APC2: variants seen among roughly 807,000 people sequenced by gnomAD.
APC2 encodes APC regulator of Wnt signaling pathway 2.
Under a neutral mutation model 72.5 loss-of-function variants are expected in APC2, and 41 were observed. That is an observed-to-expected ratio of 0.57 (90% CI 0.44 to 0.73). The LOEUF is 0.73. APC2 is among the 30% of genes least tolerant of loss of function. The pLI is 0.00. For missense variants in APC2, 3,729 were observed against 3,403.4 expected, an observed-to-expected ratio of 1.10 and a Z score of -2.38; for synonymous variants, 1,898 against 1,612.0, an observed-to-expected ratio of 1.18 and a Z score of -4.25.
Position 1,450,131 on chromosome 19 carries a change from C to G in APC2, c.-226C>G. 1.0e-6 allele frequency: 1 copy of G among 985,188 alleles called. No individual in the cohort carries two copies. Among genetic ancestry groups the G allele is most frequent in the Non-Finnish European group, 1.2e-6 (1 of 829,766 alleles). 61.0% of individuals were successfully genotyped at this position (985,188 alleles called of 1,614,324 possible). A position where few individuals can be genotyped will look rare whatever the true frequency, so the allele number is the denominator to read the frequency against. On this transcript the variant is annotated 5_prime_UTR_variant, in exon 1 of 15. Transcript: ENST00000590469. ...CATCCTCCCCCGCTCGCGGTGGTCT[C>G]GCCCAGCGCTAGGAGCGGCAGCGCC...
At chr19:1,448,854 A>G (rs2052575272), upstream of APC2, among the ~76,000 whole-genome samples, 1 of 149,224 alleles carries the variant, frequency 6.7e-6, no homozygotes, top group African/African-American at 2.6e-5. Context: ...AAAAAAAAAA[A>G]AAAGAAAAAA....
At chr19:1,458,248 C>T in intron 10 of APC2, 188 bp downstream of exon 10, 1 of 615,658 alleles carries the variant, frequency 1.6e-6, no homozygotes, top group South Asian at 1.9e-5. Context: ...GCCCTCTGTC[C>T]CCATGAGCTG....
rs1217224803 is a variant in APC2, at chr19:1,450,201, G to C, written c.-156G>C. Reference sequence around the variant, plus strand: ...GGGCTTTGTCCGCCCCGGAGCCCCTGCCCGCGCCGCGGAGACCCCGGAGCC... The same window carrying C: ...GGGCTTTGTCCGCCCCGGAGCCCCTCCCCGCGCCGCGGAGACCCCGGAGCC... On this transcript the variant is annotated 5_prime_UTR_variant, in exon 1 of 15. Transcript: ENST00000590469. 1.0e-6 allele frequency: 1 copy of C among 984,976 alleles called. No individual in the cohort carries two copies. Among genetic ancestry groups the C allele is most frequent in the East Asian group, 1.1e-4 (1 of 8,792 alleles). 61.0% of individuals were successfully genotyped at this position (984,976 alleles called of 1,614,324 possible).
chr19:1,468,897 G>T lies in APC2; in HGVS notation c.5596G>T (p.Ala1866Ser), dbSNP rs1271817876. 2.7e-6 allele frequency: 4 copies of T among 1,506,262 alleles called. No homozygotes were observed. Among genetic ancestry groups the T allele is most frequent in the Non-Finnish European group, 2.6e-6 (3 of 1,132,096 alleles). 93.3% of individuals were successfully genotyped at this position (1,506,262 alleles called of 1,614,324 possible). A position where few individuals can be genotyped will look rare whatever the true frequency, so the allele number is the denominator to read the frequency against. ...SQPPRSATPP[A>S]RLAKTPSSSS... The stretch of plus-strand genomic sequence containing the variant: ...GCCCCCCAGAAGCGCCACACCGCCC[G>T]CCCGCCTCGCCAAGACCCCCTCCTC... The change falls in exon 15 of 15, where the codon GCC becomes TCC. Residue 1866 changes from alanine (A) to serine (S), a missense_variant. Ala to Ser is a moderately conservative substitution (Grantham distance 99, BLOSUM62 1). Transcript: ENST00000590469.
chr19:1,446,927 G>T (rs2083693001), upstream of APC2, among the ~76,000 whole-genome samples: 1 of 152,214 alleles, frequency 6.6e-6, no homozygotes, highest in Non-Finnish European at 1.5e-5. This position sits in a 1 kb window ranked among gnomAD's most constrained non-coding sequence, Gnocchi z 6.1. Context: ...TGAGGCTGGG[G>T]GGTGCAGCGG....
Position 1,466,802 on chromosome 19 carries a change from G to T in APC2, c.3501G>T (p.Ser1167=). The change falls in exon 15 of 15, where the codon TCG becomes TCT. Residue 1167 remains serine (S), a synonymous_variant. Transcript: ENST00000590469. ...LVLSRCSSVS[S]LGSFESPSIA... is the part of the protein sequence containing the mutation. ...TGAGCCGCTGCAGCTCTGTGAGCTC[G>T]CTGGGCAGCTTCGAGAGCCCGTCCA... The T allele has an allele frequency of 6.4e-7, 1 of 1,551,392 alleles. No homozygotes were observed.
chr19:1,446,722 G>T (rs1358453350), upstream of APC2, among the ~76,000 whole-genome samples: 1 of 152,078 alleles, frequency 6.6e-6, no homozygotes, highest in African/African-American at 2.4e-5. This position sits in a 1 kb window ranked among gnomAD's most constrained non-coding sequence, Gnocchi z 6.1. Context: ...GCTCGGCCCT[G>T]CGCAGGGTGG....
At position 1,468,410 on chromosome 19, in the gene APC2, A is replaced by G. The variant is rs1466859641; in HGVS notation, c.5109A>G (p.Ala1703=). ...ANSIVTWLHQ[A]AAATREASSE... is the part of the protein sequence containing the mutation. ...CAATTGTCACGTGGCTGCACCAGGC[A>G]GCAGCTGCCACGCGGGAGGCCTCGT... The change falls in exon 15 of 15, where the codon GCA becomes GCG. Residue 1703 remains alanine (A), a synonymous_variant. Coordinates refer to ENST00000590469, the MANE Select transcript of APC2 (RefSeq NM_005883.3). 6.3e-7 allele frequency: 1 copy of G among 1,589,992 alleles called. No individual in the cohort carries two copies. The highest frequency in any genetic ancestry group is 8.6e-7 in the Non-Finnish European group (1 of 1,168,942).
At chr19:1,446,449 G>C (rs994540979), upstream of APC2, 41 of 827,792 alleles carry the variant, frequency 5.0e-5, no homozygotes, top group Middle Eastern at 6.0e-4. This position sits in a 1 kb window ranked among gnomAD's most constrained non-coding sequence, Gnocchi z 6.1. Flanking sequence ...CGCATGGGGC[G>C]AGCGCGCGGA....
Position 1,470,365 on chromosome 19 carries a change from C to T in APC2, c.*152C>T. The stretch of plus-strand genomic sequence containing the variant: ...ACTCTCAGAACCCCCGCCCAGCGCA[C>T]GGCGACCTCGCGCCTCACCGGAAGA... On this transcript the variant is annotated 3_prime_UTR_variant, in exon 15 of 15. Coordinates refer to ENST00000590469, the MANE Select transcript of APC2 (RefSeq NM_005883.3). The T allele has an allele frequency of 2.6e-6, 3 of 1,138,402 alleles. No individual in the cohort carries two copies. Among genetic ancestry groups the T allele is most frequent in the Non-Finnish European group, 3.5e-6 (3 of 846,510 alleles). 70.5% of individuals were successfully genotyped at this position (1,138,402 alleles called of 1,614,324 possible). A position where few individuals can be genotyped will look rare whatever the true frequency, so the allele number is the denominator to read the frequency against.
chr19:1,470,652 G>GCGC lies in APC2; in HGVS notation c.*443_*445dup, dbSNP rs2084118936. 1 of 164,884 alleles carries GCGC rather than the reference G, an allele frequency of 6.1e-6. No homozygotes were observed. Among genetic ancestry groups the GCGC allele is most frequent in the African/African-American group, 2.4e-5 (1 of 41,946 alleles). The allele number at this position is 164,884 out of a possible 1,614,324, so 10.2% of individuals were successfully genotyped here. On this transcript the variant is annotated 3_prime_UTR_variant, in exon 15 of 15. Transcript: ENST00000590469. ...GGTGGGGCGAGGCTGGGGGAGGGCG[G>GCGC]CGCCGCGGCGGGCCTGCCAGCTGGG...
rs1315856572 is a variant in APC2 at position 1,465,581 on chromosome 19, C to T, written c.2280C>T (p.Pro760=). 2 of 1,571,182 alleles carry T rather than the reference C, an allele frequency of 1.3e-6. No individual in the cohort carries two copies. Among genetic ancestry groups the T allele is most frequent in the African/African-American group, 1.4e-5 (1 of 73,236 alleles). The change falls in exon 15 of 15, where the codon CCC becomes CCT. Residue 760 remains proline (P), a synonymous_variant. Transcript: ENST00000590469. The stretch of plus-strand genomic sequence containing the variant: ...CCGCCACTAAGAAGCCGCTGCCGCC[C>T]CTGCGACACCTGGACGGCCTGGCCC... ...AEAATKKPLP[P]LRHLDGLAQD... is the part of the protein sequence containing the mutation.
chr19:1,454,727 C>G (rs1297479637), intron 4 of APC2, among the ~76,000 whole-genome samples: 1 of 152,086 alleles, frequency 6.6e-6, no homozygotes, highest in Non-Finnish European at 1.5e-5. Flanking sequence ...CCACGCCCGG[C>G]TAATTTTGTT....
Position 1,469,086 on chromosome 19 carries a change from C to A in APC2, c.5785C>A (p.Arg1929=), listed in dbSNP as rs762937026. Residue 1929 remains arginine (R), a synonymous_variant, in exon 15 of 15, where the codon CGG becomes AGG. Coordinates refer to ENST00000590469, the MANE Select transcript of APC2 (RefSeq NM_005883.3). ...GCACAAGACGCAGAGATCGCCCGTG[C>A]GGATCCCGTTCATGCAGAGGCCGGC... ...KQHKTQRSPV[R]IPFMQRPARR... 7 of 1,499,456 alleles carry A rather than the reference C, an allele frequency of 4.7e-6. No homozygotes were observed. The highest frequency in any genetic ancestry group is 6.2e-6 in the Non-Finnish European group (7 of 1,122,864). 92.9% of individuals were successfully genotyped at this position (1,499,456 alleles called of 1,614,324 possible). A position where few individuals can be genotyped will look rare whatever the true frequency, so the allele number is the denominator to read the frequency against.
Position 1,457,968 on chromosome 19 carries a change from C to A in APC2, c.1211C>A (p.Pro404Gln). Residue 404 changes from proline (P) to glutamine (Q), a missense_variant, in exon 10 of 15, where the codon CCG (proline) becomes CAG (glutamine). Physicochemically the swap from Pro to Gln is moderately conservative, Grantham distance 76. Transcript: ENST00000590469. ...GATCTGGTCCCTGTGCCCACAGCCC[C>A]GATCCCCATCGAGCCGCAGATCTGC... ...GPEGGGAGSA[P>Q]IPIEPQICQA... The A allele has an allele frequency of 1.3e-6, 2 of 1,554,462 alleles. No individual in the cohort carries two copies. Among genetic ancestry groups the A allele is most frequent in the East Asian group, 4.8e-5 (2 of 41,964 alleles).
Position 1,468,925 on chromosome 19 carries a change from G to C in APC2, c.5624G>C (p.Ser1875Thr). The C allele has an allele frequency of 6.5e-7, 1 of 1,531,216 alleles. No individual in the cohort carries two copies. Among genetic ancestry groups the C allele is most frequent in the East Asian group, 2.5e-5 (1 of 40,356 alleles). The allele number at this position is 1,531,216 out of a possible 1,614,324, so 94.9% of individuals were successfully genotyped here. A position where few individuals can be genotyped will look rare whatever the true frequency, so the allele number is the denominator to read the frequency against. The stretch of plus-strand genomic sequence containing the variant: ...CGCCTCGCCAAGACCCCCTCCTCCA[G>C]CTCCTCCCAGACCTCGCCCGCCTCC... The part of the protein sequence containing the change: ...PARLAKTPSS[S>T]SSQTSPASQP... The change falls in exon 15 of 15, where the codon AGC becomes ACC. Residue 1875 changes from serine to threonine, a missense_variant. By Grantham distance (58) the Ser-to-Thr change is moderately conservative. Coordinates refer to ENST00000590469, the MANE Select transcript of APC2 (RefSeq NM_005883.3).
Position 1,450,148 on chromosome 19 carries a change from G to C in APC2, c.-209G>C, listed in dbSNP as rs986587138. 6 of 985,300 alleles carry C rather than the reference G, an allele frequency of 6.1e-6. No individual in the cohort carries two copies. The highest frequency in any genetic ancestry group is 4.8e-6 in the Non-Finnish European group (4 of 829,892). The allele number at this position is 985,300 out of a possible 1,614,324, so 61.0% of individuals were successfully genotyped here. A position where few individuals can be genotyped will look rare whatever the true frequency, so the allele number is the denominator to read the frequency against. ...GGTGGTCTCGCCCAGCGCTAGGAGC[G>C]GCAGCGCCGCCTGCCCAGGCCCGGA... On this transcript the variant is annotated 5_prime_UTR_variant, in exon 1 of 15. Coordinates refer to ENST00000590469, the MANE Select transcript of APC2 (RefSeq NM_005883.3).
Position 1,468,671 on chromosome 19 carries a change from A to T in APC2, c.5370A>T (p.Gly1790=), listed in dbSNP as rs2084071870. The change falls in exon 15 of 15, where the codon GGA becomes GGT. Residue 1790 remains glycine (G), a synonymous_variant. Transcript: ENST00000590469. ...TTPGVPAVLR[G]RTVIYVPSPA... ...CCGGGGTGCCAGCTGTGCTCCGGGGACGAACAGTGATCTACGTCCCCAGCC... is the reference window on the plus strand; with the variant it reads ...CCGGGGTGCCAGCTGTGCTCCGGGGTCGAACAGTGATCTACGTCCCCAGCC... 1 of 1,575,960 alleles carries T rather than the reference A, an allele frequency of 6.3e-7. No individual in the cohort carries two copies. The highest frequency in any genetic ancestry group is 8.6e-7 in the Non-Finnish European group (1 of 1,158,130).
intron 5 of APC2, 51 bp downstream of exon 5, chr19:1,455,308 CG>C (rs746240851): frequency 3.2e-6 from 5 of 1,580,404 alleles, no homozygotes; most frequent in Middle Eastern, 1.9e-4. Flanking sequence ...ACTCAGGGTG[CG>C]GGAAGCGGCG....
Sources: allele counts gnomAD v4.1 joint callset (sites outside exome capture counted in the v4.1 genomes callset), GRCh38; gene constraint gnomAD v4.1.1; non-coding constraint Gnocchi (gnomAD v3.1); transcripts MANE v1.5; gene names NCBI Gene and HGNC (gene_info 2026-07-23, HGNC 2026-07-21).